The following MAK16 variants were observed in gnomAD, a reference collection of about 807,000 sequenced individuals.
The protein encoded by MAK16 is MAK16 homolog.
In MAK16, 12 loss-of-function variants were observed where a neutral mutation model predicts 49.9. That is an observed-to-expected ratio of 0.24 (90% CI 0.15 to 0.39). The LOEUF is 0.39. Among genes scored for constraint, MAK16 ranks in the 10% least tolerant of loss-of-function variants. The probability of loss-of-function intolerance (pLI) is 1.00; values close to 1 mark genes in which losing one functional copy is unlikely to be tolerated. For missense variants in MAK16, 292 were observed against 363.7 expected, an observed-to-expected ratio of 0.80 and a Z score of 1.60; for synonymous variants, 115 against 126.4, an observed-to-expected ratio of 0.91 and a Z score of 0.60.
In MAK16 at chr8:33,498,856, C is replaced by T. The variant is rs1003749639; in HGVS notation, c.*227C>T. ...TTTTATAGCATATGTGTTGAAGTAA[C>T]AGCTTGTGCCCGAGAAACTTAACAG... On this transcript the variant is annotated 3_prime_UTR_variant, in exon 10 of 10. Coordinates refer to ENST00000360128, the MANE Select transcript of MAK16 (RefSeq NM_032509.4). The T allele has an allele frequency of 5.4e-5, 32 of 588,652 alleles. No individual in the cohort carries two copies. The highest frequency in any genetic ancestry group is 7.8e-5 in the Non-Finnish European group (26 of 335,396). The allele number at this position is 588,652 out of a possible 1,614,324, so 36.5% of individuals were successfully genotyped here.
At chr8:33,496,042 G>A (rs993640608) in intron 7 of MAK16, among the ~76,000 whole-genome samples, 2 of 151,932 alleles carry the variant, frequency 1.3e-5, no homozygotes, top group East Asian at 3.8e-4. Flanking sequence ...AATCCATATC[G>A]GCCTGGCTTC....
chr8:33,496,838 T>C, intron 8 of MAK16, 97 bp downstream of exon 8: 1 of 898,266 alleles, frequency 1.1e-6, no homozygotes, highest in Non-Finnish European at 1.6e-6. Context: ...AAAAATGATA[T>C]GTCTTCTTTT....
intron 5 of MAK16, 75 bp from the exon 6 acceptor site, chr8:33,490,210 C>A: frequency 7.9e-7 from 1 of 1,272,420 alleles, no homozygotes; most frequent in Non-Finnish European, 1.1e-6. Flanking sequence ...CAATTCCAAT[C>A]CTTTTTTCTT....
In MAK16 at chr8:33,492,433, A is replaced by G. The variant is rs140727579; in HGVS notation, c.447+2094A>G. Among the ~76,000 whole-genome samples, 1,318 of 151,886 alleles carry G rather than the reference A, an allele frequency of 8.7e-3. 22 individuals carry two copies. Among genetic ancestry groups the G allele is most frequent in the African/African-American group, 0.031 (1,275 of 41,374 alleles). On this transcript the variant is annotated intron_variant, in intron 6 of 9. Transcript: ENST00000360128. ...TAACTTGATGTGCTCCCATTTGTCCATTTTTGCTTTGGTTACCTTTGCTTG... is the reference window on the plus strand; with the variant it reads ...TAACTTGATGTGCTCCCATTTGTCCGTTTTTGCTTTGGTTACCTTTGCTTG...
rs370105252 is a variant in MAK16 at position 33,500,398 on chromosome 8, T to G, written c.*1769T>G. ...TGTGGCCTCCTGTAGCAGGGCGCTCTTAACAGACTCAGGTGTAAGGTTTGG... is the reference window on the plus strand; with the variant it reads ...TGTGGCCTCCTGTAGCAGGGCGCTCGTAACAGACTCAGGTGTAAGGTTTGG... On this transcript the variant is annotated 3_prime_UTR_variant, in exon 10 of 10. Transcript: ENST00000360128. 90 of 1,614,170 alleles carry G rather than the reference T, an allele frequency of 5.6e-5. No individual in the cohort carries two copies. In the South Asian group the frequency reaches 8.8e-4, roughly 16 times the overall value.
At chr8:33,488,299 C>A in intron 1 of MAK16, 79 bp from the exon 2 acceptor site, 1 of 1,397,624 alleles carries the variant, frequency 7.2e-7, no homozygotes, top group Non-Finnish European at 1.0e-6. Context: ...CATTCCTGTC[C>A]TTGGGCATTG....
chr8:33,490,382 C>A, intron 6 of MAK16, 43 bp downstream of exon 6: 1 of 1,532,416 alleles, frequency 6.5e-7, no homozygotes, highest in Non-Finnish European at 9.0e-7. Flanking sequence ...CATTTTCTTT[C>A]TGGGGGTCTC....
At chr8:33,490,214 T>A in intron 5 of MAK16, 71 bp from the exon 6 acceptor site, 1 of 1,329,030 alleles carries the variant, frequency 7.5e-7, no homozygotes, top group Non-Finnish European at 1.1e-6. Flanking sequence ...TCCAATCCTT[T>A]TTTCTTCTCA....
chr8:33,488,812 C>T lies in MAK16; in HGVS notation c.240+14C>T. The stretch of plus-strand genomic sequence containing the variant: ...CTCTGGGAACGGGTAAGCCTTACAA[C>T]AAAACTACAGTGACCGCTGATCAAG... On this transcript the variant is annotated intron_variant, in intron 4 of 9. Transcript: ENST00000360128. The T allele has an allele frequency of 1.2e-6, 2 of 1,613,890 alleles. No homozygotes were observed. The highest frequency in any genetic ancestry group is 1.7e-6 in the Non-Finnish European group (2 of 1,179,792).
intron 6 of MAK16, among the ~76,000 whole-genome samples, chr8:33,490,608 T>G (rs899884774): frequency 6.6e-6 from 1 of 152,222 alleles, no homozygotes; most frequent in Non-Finnish European, 1.5e-5. Flanking sequence ...GTCAAATATT[T>G]CAGACTTCAG....
At position 33,500,752 on chromosome 8, in the gene MAK16, G is replaced by A. The variant is rs8685; in HGVS notation, c.*2123G>A. On this transcript the variant is annotated 3_prime_UTR_variant, in exon 10 of 10. Transcript: ENST00000360128. ...TTCCTTCCAGAAGCTTGGTTCTACT[G>A]TAAGCAACAGCTCCTTCATGGGCTG... 0.55 allele frequency: 224,880 copies of A among 410,674 alleles called. 62,304 individuals carry two copies. The highest frequency in any genetic ancestry group is 0.59 in the Non-Finnish European group (131,999 of 222,986). 25.4% of individuals were successfully genotyped at this position (410,674 alleles called of 1,614,324 possible). A position where few individuals can be genotyped will look rare whatever the true frequency, so the allele number is the denominator to read the frequency against.
chr8:33,487,872 T>C (rs28374213), intron 1 of MAK16, among the ~76,000 whole-genome samples: 10,862 of 152,324 alleles, frequency 0.071, 767 homozygotes, highest in African/African-American at 0.19. Flanking sequence ...AATGGAGTTA[T>C]GATTATTGCT....
Position 33,498,420 on chromosome 8 carries a change from T to C in MAK16, c.706-12T>C, listed in dbSNP as rs767405890. 2 of 1,611,104 alleles carry C rather than the reference T, an allele frequency of 1.2e-6. No individual in the cohort carries two copies. Among genetic ancestry groups the C allele is most frequent in the East Asian group, 2.2e-5 (1 of 44,876 alleles). On this transcript the variant is annotated splice_polypyrimidine_tract_variant and intron_variant, in intron 9 of 9. Transcript: ENST00000360128. ...TTTCCCTCTTCCTTTATCTTTTCTC[T>C]CCCCGTAATAGGATATGGATAAACT...
Position 33,495,538 on chromosome 8 carries a change from A to G in MAK16, c.448-4A>G. On this transcript the variant is annotated splice_region_variant and splice_polypyrimidine_tract_variant and intron_variant, in intron 6 of 9. Coordinates refer to ENST00000360128, the MANE Select transcript of MAK16 (RefSeq NM_032509.4). ...TAAACAGATTTGCTCTTTCCCCCTTATAGGAAAAGGCATTAATAGCTGCTC... is the reference window on the plus strand; with the variant it reads ...TAAACAGATTTGCTCTTTCCCCCTTGTAGGAAAAGGCATTAATAGCTGCTC... 1.2e-6 allele frequency: 2 copies of G among 1,612,460 alleles called. No individual in the cohort carries two copies. The highest frequency in any genetic ancestry group is 1.7e-4 in the Middle Eastern group (1 of 6,048).
chr8:33,493,160 A>G (rs2128824218), intron 6 of MAK16, among the ~76,000 whole-genome samples: 2 of 152,186 alleles, frequency 1.3e-5, no homozygotes, highest in Middle Eastern at 6.8e-3. Flanking sequence ...TTATTTATAA[A>G]TATTTTATTT....
chr8:33,491,873 A>G (rs781098115), intron 6 of MAK16, among the ~76,000 whole-genome samples: 3 of 151,942 alleles, frequency 2.0e-5, no homozygotes, highest in Non-Finnish European at 2.9e-5. Flanking sequence ...GGCTCAAGCA[A>G]TCCAACCACT....
rs1231090698 is a variant in MAK16, at chr8:33,499,740, T to G, written c.*1111T>G. ...TTTCTTTTCATGCTACCTTCAATCT[T>G]CAACTAAAGATTTCTAAAAGGGGTA... On this transcript the variant is annotated 3_prime_UTR_variant, in exon 10 of 10. Coordinates refer to ENST00000360128, the MANE Select transcript of MAK16 (RefSeq NM_032509.4). The G allele has an allele frequency of 6.0e-6, 1 of 165,312 alleles. No individual in the cohort carries two copies. The highest frequency in any genetic ancestry group is 5.9e-5 in the Admixed American group (1 of 16,954). 10.2% of individuals were successfully genotyped at this position (165,312 alleles called of 1,614,324 possible). A position where few individuals can be genotyped will look rare whatever the true frequency, so the allele number is the denominator to read the frequency against.
In MAK16 at chr8:33,496,642, C is replaced by T. The variant is rs574820423; in HGVS notation, c.540C>T (p.Asn180=). 102 of 1,613,112 alleles carry T rather than the reference C, an allele frequency of 6.3e-5. No individual in the cohort carries two copies. In the South Asian group the frequency reaches 1.1e-3, roughly 17 times the overall value. The change falls in exon 8 of 10, where the codon AAC becomes AAT. Residue 180 remains asparagine, a synonymous_variant. Coordinates refer to ENST00000360128, the MANE Select transcript of MAK16 (RefSeq NM_032509.4). Reference sequence around the variant, plus strand: ...TTCTTCAGTATGGCGACATCTACAACTTCCCCATTCATGCCTTCGACAAAG... The same window carrying T: ...TTCTTCAGTATGGCGACATCTACAATTTCCCCATTCATGCCTTCGACAAAG... ...LKQDTYGDIY[N]FPIHAFDKAL... is the part of the protein sequence containing the mutation.
At chr8:33,498,112 A>C (rs988554154) in intron 9 of MAK16, among the ~76,000 whole-genome samples, 4 of 147,572 alleles carry the variant, frequency 2.7e-5, no homozygotes, top group African/African-American at 1.0e-4. Flanking sequence ...AAAAAAAAAA[A>C]AAAATTAAAA....
Sources: gnomAD v4.1 joint callset for allele counts (sites outside exome capture counted in the v4.1 genomes callset) on GRCh38, gnomAD v4.1.1 for gene constraint, MANE v1.5 for transcripts, NCBI Gene and HGNC (gene_info 2026-07-23, HGNC 2026-07-21) for gene names.